AP2B1: variants seen among roughly 807,000 people sequenced by gnomAD.
AP2B1 encodes the protein adaptor related protein complex 2 subunit beta 1, also known as AP-2 complex subunit beta.
AP2B1 carries 23 observed loss-of-function variants against 102.0 expected under a neutral mutation model. The observed-to-expected ratio is 0.23, with a 90% confidence interval of 0.16 to 0.32. AP2B1 has a LOEUF of 0.32. AP2B1 is among the 10% of genes least tolerant of loss of function. AP2B1 has a pLI of 1.00. For missense variants in AP2B1, 541 were observed against 1,157.4 expected (o/e 0.47, Z 7.73); for synonymous variants, 381 against 421.2 (o/e 0.90, Z 1.17).
chr17:35,642,781 A>T (rs2142752635), intron 12 of AP2B1, among the ~76,000 whole-genome samples: 1 of 152,264 alleles, frequency 6.6e-6, no homozygotes, highest in East Asian at 1.9e-4. Flanking sequence ...CTTTCACAGT[A>T]CTTTGCCTAG....
intron 20 of AP2B1, among the ~76,000 whole-genome samples, chr17:35,715,626 A>G (rs1274905940): frequency 3.3e-5 from 5 of 152,366 alleles, no homozygotes; most frequent in South Asian, 2.1e-4. Context: ...AACCCACTCA[A>G]AGCTGCAAGA....
chr17:35,651,137 TA>T (rs1389736880), intron 13 of AP2B1: 1 of 200,196 alleles, frequency 5.0e-6, no homozygotes, highest in Admixed American at 5.3e-5. Flanking sequence ...AATAACCCCA[TA>T]GTTGAAAACT....
In AP2B1 at chr17:35,588,252, C is replaced by A. The variant is rs59390708; in HGVS notation, c.-24+824C>A. On this transcript the variant is annotated intron_variant, in intron 1 of 21. Coordinates refer to ENST00000610402, the MANE Select transcript of AP2B1 (RefSeq NM_001030006.2). ...ATTGGAGGGGTGGGGTGGGGGGGGACAGGCCTTTATTGAACTCACGCGGAT... is the reference window on the plus strand; with the variant it reads ...ATTGGAGGGGTGGGGTGGGGGGGGAAAGGCCTTTATTGAACTCACGCGGAT... Among the ~76,000 whole-genome samples the A allele has an allele frequency of 7.5e-4, 113 of 151,578 alleles. 2 individuals carry two copies. Among genetic ancestry groups the A allele is most frequent in the African/African-American group, 2.6e-3 (106 of 41,262 alleles).
At chr17:35,718,252 G>A (rs1241568714) in intron 21 of AP2B1, among the ~76,000 whole-genome samples, 2 of 151,720 alleles carry the variant, frequency 1.3e-5, no homozygotes, top group Non-Finnish European at 2.9e-5. Flanking sequence ...GTACCATCCA[G>A]AACTGAAAAT....
At chr17:35,647,237 A>G (rs1196601320) in intron 12 of AP2B1, among the ~76,000 whole-genome samples, 1 of 152,176 alleles carries the variant, frequency 6.6e-6, no homozygotes, top group Non-Finnish European at 1.5e-5. Flanking sequence ...CCCTGACCTG[A>G]TATTTTGAGA....
At chr17:35,625,776 G>A (rs2074298039) in intron 6 of AP2B1, among the ~76,000 whole-genome samples, 1 of 152,102 alleles carries the variant, frequency 6.6e-6, no homozygotes, top group South Asian at 2.1e-4. Flanking sequence ...GTGAGGGGTT[G>A]TATTTTCTTT....
intron 14 of AP2B1, among the ~76,000 whole-genome samples, chr17:35,664,146 G>C (rs578153013): frequency 6.6e-6 from 1 of 152,268 alleles, no homozygotes; most frequent in African/African-American, 2.4e-5. Context: ...AGTACTTTGA[G>C]GGCAGTTAAA....
intron 1 of AP2B1, among the ~76,000 whole-genome samples, chr17:35,593,419 C>T (rs928771509): frequency 1.4e-5 from 2 of 145,208 alleles, no homozygotes; most frequent in Admixed American, 1.4e-4. Flanking sequence ...TACCTATACG[C>T]ACCTACTAAA....
In AP2B1 at chr17:35,626,618, C is replaced by T. The variant is rs748309437; in HGVS notation, c.717-3C>T. ...GATATTAATTTTCATTCTCCACCCT[C>T]AGCATCTGTGAGCGGGTAACTCCCC... On this transcript the variant is annotated splice_region_variant and splice_polypyrimidine_tract_variant and intron_variant, in intron 6 of 21. Coordinates refer to ENST00000610402, the MANE Select transcript of AP2B1 (RefSeq NM_001030006.2). 1.0e-5 allele frequency: 16 copies of T among 1,599,568 alleles called. No individual in the cohort carries two copies. Among genetic ancestry groups the T allele is most frequent in the Non-Finnish European group, 1.3e-5 (15 of 1,167,996 alleles).
chr17:35,657,990 C>G (rs2075271547), intron 14 of AP2B1, among the ~76,000 whole-genome samples, 199 bp downstream of exon 14: 1 of 152,120 alleles, frequency 6.6e-6, no homozygotes, highest in Non-Finnish European at 1.5e-5. Flanking sequence ...GGTATGTCTG[C>G]AAGTGTATGG....
intron 12 of AP2B1, among the ~76,000 whole-genome samples, chr17:35,646,660 A>G (rs1337289706): frequency 6.8e-6 from 1 of 147,532 alleles, no homozygotes; most frequent in African/African-American, 2.5e-5. Flanking sequence ...ATCTCAGCTC[A>G]CTGCAGCCTC....
At chr17:35,641,797 G>A (rs776757137) in intron 11 of AP2B1, 80 bp from the exon 12 acceptor site, 19 of 1,068,902 alleles carry the variant, frequency 1.8e-5, no homozygotes, top group Middle Eastern at 2.3e-4. Context: ...TCATAGTTGG[G>A]GAAACACCAC....
Position 35,639,588 on chromosome 17 carries a change from T to C in AP2B1, c.1272-7T>C, listed in dbSNP as rs751447926. 8.1e-6 allele frequency: 13 copies of C among 1,599,670 alleles called. No individual in the cohort carries two copies. The highest frequency in any genetic ancestry group is 1.8e-4 in the Middle Eastern group (1 of 5,464). On this transcript the variant is annotated splice_polypyrimidine_tract_variant and splice_region_variant and intron_variant, in intron 10 of 21. Coordinates refer to ENST00000610402, the MANE Select transcript of AP2B1 (RefSeq NM_001030006.2). ...CTCAATAACCATAGTTCATTTTTTT[T>C]CATCAGGTATGAAAGTATCATCGCC...
intron 14 of AP2B1, among the ~76,000 whole-genome samples, chr17:35,663,039 A>G (rs542025003): frequency 6.6e-6 from 1 of 152,326 alleles, no homozygotes; most frequent in South Asian, 2.1e-4. Context: ...CTTTCAGATT[A>G]TTAAGTCATA....
At chr17:35,670,148 A>G (rs888457763) in intron 14 of AP2B1, among the ~76,000 whole-genome samples, 2 of 152,224 alleles carry the variant, frequency 1.3e-5, no homozygotes, top group Non-Finnish European at 2.9e-5. Context: ...AATGCGTAAC[A>G]TCCTTTTTAA....
chr17:35,663,773 T>C (rs1198067241), intron 14 of AP2B1, among the ~76,000 whole-genome samples: 2 of 152,256 alleles, frequency 1.3e-5, no homozygotes, highest in African/African-American at 4.8e-5. Context: ...CTGGGCCTCT[T>C]GATGGTGTAC....
At chr17:35,618,833 A>G (rs2142504797) in intron 5 of AP2B1, among the ~76,000 whole-genome samples, 2 of 152,346 alleles carry the variant, frequency 1.3e-5, no homozygotes, top group Non-Finnish European at 2.9e-5. Context: ...ACAGGTATAG[A>G]TCATAAATCA....
At chr17:35,693,725 T>C (rs968762814) in intron 18 of AP2B1, among the ~76,000 whole-genome samples, 4 of 150,520 alleles carry the variant, frequency 2.7e-5, no homozygotes, top group Admixed American at 2.0e-4. Context: ...CCTGAAGGAG[T>C]TGAAGGGCAA....
intron 3 of AP2B1, among the ~76,000 whole-genome samples, chr17:35,603,576 A>G (rs1452977810): frequency 6.6e-6 from 1 of 152,178 alleles, no homozygotes; most frequent in Admixed American, 6.5e-5. Flanking sequence ...ATTTCACTAA[A>G]AGGGAATCAG....
Sources: allele counts gnomAD v4.1 joint callset (sites outside exome capture counted in the v4.1 genomes callset), GRCh38; gene constraint gnomAD v4.1.1; transcripts MANE v1.5; gene names NCBI Gene and HGNC (gene_info 2026-07-23, HGNC 2026-07-21).